ADAM20: variants seen among roughly 807,000 people sequenced by gnomAD.
ADAM20 encodes disintegrin and metalloproteinase domain-containing protein 20.
For synonymous variants in ADAM20, 305 were observed against 310.2 expected (o/e 0.98, Z 0.18); for missense variants, 871 against 883.2 (o/e 0.99, Z 0.18).
At chr14:70,534,656 G>A (rs1883792700) in intron 1 of ADAM20, 141 bp downstream of exon 1, 1 of 152,162 alleles carries the variant, frequency 6.6e-6, no homozygotes, top group Non-Finnish European at 1.5e-5. Context: ...GTTGCCAGGT[G>A]CTGAGGGATT....
intron 1 of ADAM20, among the ~76,000 whole-genome samples, chr14:70,530,007 G>A (rs1883676413): frequency 6.6e-6 from 1 of 152,094 alleles, no homozygotes; most frequent in African/African-American, 2.4e-5. Flanking sequence ...CGTAGGCCAG[G>A]CATGGTGGCT....
At chr14:70,565,330 G>C in the ADAM20 span, among the ~76,000 whole-genome samples, 1 of 151,898 alleles carries the variant, frequency 6.6e-6, no homozygotes, top group Non-Finnish European at 1.5e-5. Flanking sequence ...CAGAGGAGAA[G>C]AGAAAGAGAA....
At chr14:70,576,708 G>A in the ADAM20 span, among the ~76,000 whole-genome samples, 82 of 152,284 alleles carry the variant, frequency 5.4e-4, 1 homozygote, top group South Asian at 0.013. Context: ...TCAGAACTAC[G>A]TAGGGTACAT....
intron 1 of ADAM20, among the ~76,000 whole-genome samples, chr14:70,526,432 A>G (rs2139533471): frequency 6.6e-6 from 1 of 152,324 alleles, no homozygotes; most frequent in East Asian, 1.9e-4. Context: ...TATCTGATAG[A>G]GGTGAAATCC....
At chr14:70,566,061 C>T in the ADAM20 span, among the ~76,000 whole-genome samples, 5 of 152,014 alleles carry the variant, frequency 3.3e-5, no homozygotes, top group Non-Finnish European at 7.4e-5. Context: ...TTATGAAAAA[C>T]GCTACATGAA....
the ADAM20 span, among the ~76,000 whole-genome samples, chr14:70,562,122 C>G: frequency 6.6e-6 from 1 of 152,246 alleles, no homozygotes; most frequent in Admixed American, 6.5e-5. Flanking sequence ...AGGGCTGTAC[C>G]CTGCAGAGCC....
intron 1 of ADAM20, among the ~76,000 whole-genome samples, chr14:70,528,681 T>A (rs998244328): frequency 6.6e-6 from 1 of 151,944 alleles, no homozygotes; most frequent in African/African-American, 2.4e-5. Context: ...CTTGGGAAAA[T>A]ACACAAACCC....
the ADAM20 span, among the ~76,000 whole-genome samples, chr14:70,571,672 A>C: frequency 2.0e-5 from 3 of 152,234 alleles, no homozygotes; most frequent in African/African-American, 7.2e-5. Flanking sequence ...TAGACATCAA[A>C]ATAGGAAAAG....
chr14:70,544,876 A>G, the ADAM20 span, among the ~76,000 whole-genome samples: 1 of 152,176 alleles, frequency 6.6e-6, no homozygotes, highest in Non-Finnish European at 1.5e-5. Flanking sequence ...TTTTTAAAAA[A>G]TATTTAAAAA....
the ADAM20 span, among the ~76,000 whole-genome samples, chr14:70,564,735 AATTT>A: frequency 7.6e-6 from 1 of 132,028 alleles, no homozygotes; most frequent in Non-Finnish European, 1.6e-5. Flanking sequence ...AGATAGACGC[AATTT>A]TTTTTTTTTT....
the ADAM20 span, among the ~76,000 whole-genome samples, chr14:70,561,685 C>A: frequency 6.6e-6 from 1 of 152,246 alleles, no homozygotes; most frequent in African/African-American, 2.4e-5. Context: ...TGCATCCCAG[C>A]CATTCCAGCT....
At position 70,522,541 on chromosome 14, in the gene ADAM20, G is replaced by GTTTT; in HGVS notation, c.*35_*36insAAAA. 6.8e-7 allele frequency: 1 copy of GTTTT among 1,480,764 alleles called. No homozygotes were observed. The allele number at this position is 1,480,764 out of a possible 1,614,324, so 91.7% of individuals were successfully genotyped here. A position where few individuals can be genotyped will look rare whatever the true frequency, so the allele number is the denominator to read the frequency against. ...TAAAAAATTGGATATTAAAAATGAA[G>GTTTT]TATAAAGTTTAGTCTCCTTCTTTTT... On this transcript the variant is annotated 3_prime_UTR_variant, in exon 2 of 2. Transcript: ENST00000256389.
In ADAM20 at chr14:70,522,519, A is replaced by C. The variant is rs982514467; in HGVS notation, c.*58T>G. 1.1e-4 allele frequency: 151 copies of C among 1,426,884 alleles called. No individual in the cohort carries two copies. Among genetic ancestry groups the C allele is most frequent in the Middle Eastern group, 5.0e-4 (2 of 3,982 alleles). The allele number at this position is 1,426,884 out of a possible 1,614,324, so 88.4% of individuals were successfully genotyped here. A position where few individuals can be genotyped will look rare whatever the true frequency, so the allele number is the denominator to read the frequency against. ...ACATGGCTTCATATTTTTCTATTAAAAAATTGGATATTAAAAATGAAGTAT... is the reference window on the plus strand; with the variant it reads ...ACATGGCTTCATATTTTTCTATTAACAAATTGGATATTAAAAATGAAGTAT... On this transcript the variant is annotated 3_prime_UTR_variant, in exon 2 of 2. Transcript: ENST00000256389.
the ADAM20 span, among the ~76,000 whole-genome samples, chr14:70,575,328 G>A: frequency 1.3e-5 from 2 of 152,030 alleles, no homozygotes; most frequent in East Asian, 1.9e-4. Flanking sequence ...CCTAGTTGCT[G>A]GGACTACAGG....
chr14:70,559,856 G>A, the ADAM20 span, among the ~76,000 whole-genome samples: 1 of 152,142 alleles, frequency 6.6e-6, no homozygotes, highest in African/African-American at 2.4e-5. Flanking sequence ...GCAAGCAAGG[G>A]ATGGATGATC....
the ADAM20 span, among the ~76,000 whole-genome samples, chr14:70,578,683 T>C: frequency 6.6e-6 from 1 of 152,256 alleles, no homozygotes; most frequent in East Asian, 1.9e-4. Context: ...GCAAAGGACA[T>C]GAACAGATGC....
the ADAM20 span, among the ~76,000 whole-genome samples, chr14:70,569,009 C>T: frequency 5.3e-5 from 8 of 151,698 alleles, no homozygotes; most frequent in Non-Finnish European, 1.0e-4. Flanking sequence ...CAAAAAAAAA[C>T]CTTAAAGGTA....
At chr14:70,546,983 A>C in the ADAM20 span, among the ~76,000 whole-genome samples, 2 of 152,184 alleles carry the variant, frequency 1.3e-5, no homozygotes, top group Non-Finnish European at 2.9e-5. Flanking sequence ...CAGAAGACCC[A>C]AATCAATAAA....
chr14:70,530,997 A>G (rs752397983), intron 1 of ADAM20, among the ~76,000 whole-genome samples: 10 of 152,262 alleles, frequency 6.6e-5, no homozygotes, highest in Admixed American at 1.3e-4. Context: ...TAAACATTGG[A>G]GCAGTAATAA....
Sources: allele counts gnomAD v4.1 joint callset (sites outside exome capture counted in the v4.1 genomes callset), GRCh38; gene constraint gnomAD v4.1.1; transcripts MANE v1.5; gene names NCBI Gene and HGNC (gene_info 2026-07-23, HGNC 2026-07-21).